Variants in RAD9A observed in about 807,000 individuals in gnomAD.
The protein encoded by RAD9A is RAD9 checkpoint clamp component A, also known as cell cycle checkpoint control protein RAD9A.
RAD9A carries 25 observed loss-of-function variants against 41.2 expected under a neutral mutation model. That is an observed-to-expected ratio of 0.61 (90% confidence interval 0.44 to 0.85). RAD9A has a LOEUF of 0.85. RAD9A is among the 40% of genes least tolerant of loss of function. The probability of loss-of-function intolerance (pLI) is 0.00; values close to 1 mark genes in which losing one functional copy is unlikely to be tolerated. For missense variants in RAD9A, 514 were observed against 518.3 expected (o/e 0.99, Z 0.08); for synonymous variants, 252 against 210.6 (o/e 1.20, Z -1.70).
chr11:67,397,747 G>C lies in RAD9A; in HGVS notation c.*188G>C, dbSNP rs979853294. The C allele has an allele frequency of 1.8e-6, 1 of 563,796 alleles. No homozygotes were observed. The highest frequency in any genetic ancestry group is 2.7e-5 in the African/African-American group (1 of 37,526). The allele number at this position is 563,796 out of a possible 1,614,324, so 34.9% of individuals were successfully genotyped here. On this transcript the variant is annotated 3_prime_UTR_variant, in exon 11 of 11. Transcript: ENST00000307980. ...GTCCCACAGCGGTCGGGCCTGGGCC[G>C]TTATCTCCCCACAACCCCCAGCCAA... is the stretch of plus-strand genomic sequence containing the variant.
At position 67,398,386 on chromosome 11, in the gene RAD9A, T is replaced by A. The variant is rs1862786624; in HGVS notation, c.*827T>A. 1 of 775,322 alleles carries A rather than the reference T, an allele frequency of 1.3e-6. No individual in the cohort carries two copies. Among genetic ancestry groups the A allele is most frequent in the Non-Finnish European group, 2.0e-6 (1 of 492,890 alleles). 48.0% of individuals were successfully genotyped at this position (775,322 alleles called of 1,614,324 possible). A position where few individuals can be genotyped will look rare whatever the true frequency, so the allele number is the denominator to read the frequency against. On this transcript the variant is annotated 3_prime_UTR_variant, in exon 11 of 11. Coordinates refer to ENST00000307980, the MANE Select transcript of RAD9A (RefSeq NM_004584.3). ...TGGGGGACTGGACGCTGCTATTGAT[T>A]CATTAAAAAAAGAAAAGAAAAATAC...
chr11:67,395,653 C>T, intron 5 of RAD9A, 63 bp from the exon 6 acceptor site: 2 of 1,311,914 alleles, frequency 1.5e-6, no homozygotes, highest in Admixed American at 2.1e-5. Flanking sequence ...CACCTCAGGT[C>T]CTCCGAGAGC....
rs755437274 is a variant in RAD9A at position 67,398,133 on chromosome 11, T to C, written c.*574T>C. ...GTGCCGAGACTCCCAAGCGGCTCTG[T>C]GCAGAAGAGCTGCCAGGCAGTGTCT... On this transcript the variant is annotated 3_prime_UTR_variant, in exon 11 of 11. Coordinates refer to ENST00000307980, the MANE Select transcript of RAD9A (RefSeq NM_004584.3). 9.1e-5 allele frequency: 23 copies of C among 252,462 alleles called. No homozygotes were observed. Among genetic ancestry groups the C allele is most frequent in the African/African-American group, 2.3e-5 (1 of 44,274 alleles). The allele number at this position is 252,462 out of a possible 1,614,324, so 15.6% of individuals were successfully genotyped here. A position where few individuals can be genotyped will look rare whatever the true frequency, so the allele number is the denominator to read the frequency against.
chr11:67,395,043 G>A (rs1013137687), intron 5 of RAD9A, among the ~76,000 whole-genome samples: 6 of 151,576 alleles, frequency 4.0e-5, no homozygotes, highest in Non-Finnish European at 7.4e-5. Context: ...GGGTTCAAGC[G>A]ATTCTCCTGC....
chr11:67,392,254 G>GGGGGGGT, intron 2 of RAD9A, 23 bp downstream of exon 2: 1 of 1,500,956 alleles, frequency 6.7e-7, no homozygotes, highest in Non-Finnish European at 9.1e-7. Context: ...GGTGTGGGGG[G>GGGGGGGT]CGGGTGGGAC....
In RAD9A at chr11:67,397,772, A is replaced by C; in HGVS notation, c.*213A>C. ...GTTATCTCCCCACAACCCCCAGCCA[A>C]TCAGGACTTTCCAGACTTGGCCCTG... On this transcript the variant is annotated 3_prime_UTR_variant, in exon 11 of 11. Transcript: ENST00000307980. The C allele has an allele frequency of 1.8e-6, 1 of 570,520 alleles. No individual in the cohort carries two copies. Among genetic ancestry groups the C allele is most frequent in the African/African-American group, 1.9e-5 (1 of 52,990 alleles). The allele number at this position is 570,520 out of a possible 1,614,324, so 35.3% of individuals were successfully genotyped here. A position where few individuals can be genotyped will look rare whatever the true frequency, so the allele number is the denominator to read the frequency against.
intron 9 of RAD9A, among the ~76,000 whole-genome samples, chr11:67,396,946 G>C (rs1862721466): frequency 1.3e-5 from 2 of 152,174 alleles, no homozygotes; most frequent in South Asian, 4.1e-4. Flanking sequence ...TAGCCCCCGG[G>C]ATGCCTCCCT....
chr11:67,396,381 C>A lies in RAD9A; in HGVS notation c.853C>A (p.Pro285Thr). The part of the protein sequence containing the change: ...LGSPERHQPV[P>T]QLQAHSTPHP... ...CTCCCCAGAGCGTCACCAGCCAGTG[C>A]CTCAGCTCCAGGCTCACAGGTGAGG... Residue 285 changes from proline (P) to threonine (T), a missense_variant, in exon 9 of 11, where the codon CCT (proline) becomes ACT (threonine). Pro to Thr is a conservative substitution (Grantham distance 38, BLOSUM62 -1). Around this residue, in one of 3 missense-constraint regions of RAD9A, gnomAD observed 216 missense variants for 184.2 expected, o/e 1.17. Coordinates refer to ENST00000307980, the MANE Select transcript of RAD9A (RefSeq NM_004584.3). 6.2e-7 allele frequency: 1 copy of A among 1,613,948 alleles called. No homozygotes were observed. Among genetic ancestry groups the A allele is most frequent in the Non-Finnish European group, 8.5e-7 (1 of 1,180,006 alleles).
intron 5 of RAD9A, 70 bp from the exon 6 acceptor site, chr11:67,395,646 C>G: frequency 8.1e-7 from 1 of 1,241,170 alleles, no homozygotes; most frequent in Non-Finnish European, 1.1e-6. Context: ...TCACCCCCAC[C>G]TCAGGTCCTC....
chr11:67,396,556 T>C (rs989027027), intron 9 of RAD9A, among the ~76,000 whole-genome samples, 156 bp downstream of exon 9: 1 of 152,136 alleles, frequency 6.6e-6, no homozygotes, highest in Non-Finnish European at 1.5e-5. Flanking sequence ...TGCTCACAGC[T>C]GCCAGCCCTG....
At chr11:67,394,640 T>G (rs1231881148) in intron 5 of RAD9A, among the ~76,000 whole-genome samples, 2 of 151,794 alleles carry the variant, frequency 1.3e-5, no homozygotes, top group African/African-American at 4.8e-5. Context: ...TTTTTTTTTT[T>G]GAGACAGAGT....
At position 67,393,467 on chromosome 11, in the gene RAD9A, G is replaced by T. The variant is rs773959641; in HGVS notation, c.235-29G>T. 32 of 1,611,980 alleles carry T rather than the reference G, an allele frequency of 2.0e-5. No individual in the cohort carries two copies. In the South Asian group the frequency reaches 3.4e-4, roughly 17 times the overall value. Reference sequence around the variant, plus strand: ...GGAGAGCTTGTTGCAGAGATGTGATGCTAGGCTGAGGTGTCTTATCCCATG... The same window carrying T: ...GGAGAGCTTGTTGCAGAGATGTGATTCTAGGCTGAGGTGTCTTATCCCATG... On this transcript the variant is annotated intron_variant, in intron 3 of 10. Transcript: ENST00000307980.
chr11:67,396,532 C>T (rs992214558), intron 9 of RAD9A, 132 bp downstream of exon 9: 16 of 1,201,376 alleles, frequency 1.3e-5, no homozygotes, highest in Non-Finnish European at 1.9e-5. Context: ...AGGCCCCAGC[C>T]CCTAACCCTA....
At position 67,392,095 on chromosome 11, in the gene RAD9A, C is replaced by T; in HGVS notation, c.34+17C>T. 1 of 1,602,508 alleles carries T rather than the reference C, an allele frequency of 6.2e-7. No homozygotes were observed. The highest frequency in any genetic ancestry group is 8.5e-7 in the Non-Finnish European group (1 of 1,176,032). ...ACGTGAAGGGTGAGTGCAGGTCGGC[C>T]TGGCAGCGGCGGTGCAGCAGCCGCG... On this transcript the variant is annotated intron_variant, in intron 1 of 10. Coordinates refer to ENST00000307980, the MANE Select transcript of RAD9A (RefSeq NM_004584.3).
chr11:67,394,916 T>C (rs1192423610), intron 5 of RAD9A, among the ~76,000 whole-genome samples: 1 of 151,884 alleles, frequency 6.6e-6, no homozygotes, highest in African/African-American at 2.4e-5. Context: ...ACACTCAGTC[T>C]CTTTTTTTAA....
rs940312255 is a variant in RAD9A at position 67,397,807 on chromosome 11, C to A, written c.*248C>A. 2 of 515,768 alleles carry A rather than the reference C, an allele frequency of 3.9e-6. No homozygotes were observed. Among genetic ancestry groups the A allele is most frequent in the East Asian group, 3.3e-5 (1 of 30,256 alleles). 31.9% of individuals were successfully genotyped at this position (515,768 alleles called of 1,614,324 possible). ...TCCAGACTTGGCCCTGAACTACTGA[C>A]GTTCCTACCTCTTATTTCTCATTGA... On this transcript the variant is annotated 3_prime_UTR_variant, in exon 11 of 11. Transcript: ENST00000307980.
rs1375087093 is a variant in RAD9A at position 67,392,064 on chromosome 11, G to A, written c.20G>A (p.Gly7Asp). 2 of 1,584,840 alleles carry A rather than the reference G, an allele frequency of 1.3e-6. No homozygotes were observed. Among genetic ancestry groups the A allele is most frequent in the Admixed American group, 1.8e-5 (1 of 55,938 alleles). Reference protein sequence around the residue: MKCLVTGGNVKVLGKAV... With the variant: MKCLVTDGNVKVLGKAV... ...GGCAGCATGAAGTGCCTGGTCACGG[G>A]CGGCAACGTGAAGGGTGAGTGCAGG... is the stretch of plus-strand genomic sequence containing the variant. The change falls in exon 1 of 11, where the codon GGC becomes GAC. Residue 7 changes from glycine (G) to aspartate (D), a missense_variant. Around this residue, in one of 3 missense-constraint regions of RAD9A, gnomAD observed 268 missense variants for 279.3 expected, o/e 0.96. Coordinates refer to ENST00000307980, the MANE Select transcript of RAD9A (RefSeq NM_004584.3).
At chr11:67,392,252 G>GCT in intron 2 of RAD9A, 21 bp downstream of exon 2, 2 of 1,508,658 alleles carry the variant, frequency 1.3e-6, no homozygotes, top group East Asian at 2.3e-5. Context: ...AGGGTGTGGG[G>GCT]GGCGGGTGGG....
Position 67,393,673 on chromosome 11 carries a change from AC to A in RAD9A, c.350-15del. 1 of 1,612,388 alleles carries A rather than the reference AC, an allele frequency of 6.2e-7. No individual in the cohort carries two copies. Among genetic ancestry groups the A allele is most frequent in the East Asian group, 2.2e-5 (1 of 44,828 alleles). ...AGGGAGGTCGGCGAGGCCCACTGAG[AC>A]CCTATCGCCCATCCAGGGGTGCGGA... On this transcript the variant is annotated splice_polypyrimidine_tract_variant and intron_variant, in intron 4 of 10. Coordinates refer to ENST00000307980, the MANE Select transcript of RAD9A (RefSeq NM_004584.3).
Sources: allele counts gnomAD v4.1 joint callset (sites outside exome capture counted in the v4.1 genomes callset), GRCh38; gene constraint gnomAD v4.1.1; regional missense constraint gnomAD v4.1.1; transcripts MANE v1.5; gene names NCBI Gene and HGNC (gene_info 2026-07-23, HGNC 2026-07-21).